MYH9: variants seen among roughly 807,000 people sequenced by gnomAD.
MYH9 encodes the protein myosin heavy chain 9.
In MYH9, 29 loss-of-function variants were observed where a neutral mutation model predicts 241.9. The ratio of observed to expected loss-of-function variants is 0.12; its 90% CI spans 0.09 to 0.16. The LOEUF is 0.16. Among genes scored for constraint, MYH9 ranks in the 10% least tolerant of loss-of-function variants. The pLI, the probability that MYH9 is intolerant of heterozygous loss-of-function variation, is 1.00. For synonymous variants in MYH9, 1,047 were observed against 1,062.6 expected (o/e 0.99, Z 0.29); for missense variants, 1,803 against 2,595.5 (o/e 0.69, Z 6.63).
intron 1 of MYH9, among the ~76,000 whole-genome samples, chr22:36,353,119 GTGTGTGTGTGTGTA>G (rs1460234700): frequency 1.6e-4 from 16 of 102,240 alleles, no homozygotes; most frequent in Non-Finnish European, 2.3e-4. Context: ...GTGTGTGTGT[GTGTGTGTGTGTGTA>G]TAAGTGTGTT....
At chr22:36,318,113 G>T in intron 11 of MYH9, 94 bp downstream of exon 11, 1 of 1,083,960 alleles carries the variant, frequency 9.2e-7, no homozygotes, top group Non-Finnish European at 1.4e-6. Context: ...GCCTGACACG[G>T]ACACCCCAGG....
Position 36,316,529 on chromosome 22 carries a change from G to A in MYH9, c.1368C>T (p.Phe456=), listed in dbSNP as rs767770886. The part of the protein sequence containing the change: ...SFIGILDIAG[F]EIFDLNSFEQ... ...GGGCAAGGCTCACATCAAAGATCTC[G>A]AAGCCGGCAATGTCCAGGATCCCGA... The change falls in exon 12 of 41, where the codon TTC becomes TTT. Residue 456 remains phenylalanine (F), a synonymous_variant. Transcript: ENST00000216181. The A allele has an allele frequency of 1.8e-5, 29 of 1,613,984 alleles. 1 individual carries two copies. The Middle Eastern group carries it at 4.9e-4, about 27-fold the overall frequency.
intron 27 of MYH9, among the ~76,000 whole-genome samples, chr22:36,294,730 C>T (rs866344379): frequency 3.3e-5 from 5 of 152,344 alleles, no homozygotes; most frequent in Middle Eastern, 3.4e-3. Context: ...CTCAAATAAT[C>T]ACGAGACAGA....
At chr22:36,302,712 G>GTT (rs761036896) in intron 19 of MYH9, 36 bp from the exon 20 acceptor site, 2 of 1,576,342 alleles carry the variant, frequency 1.3e-6, no homozygotes, top group African/African-American at 2.7e-5. Context: ...GCGGAGCAGT[G>GTT]GACAGCAGAC....
chr22:36,321,610 T>A, intron 7 of MYH9, 148 bp downstream of exon 7: 1 of 814,466 alleles, frequency 1.2e-6, no homozygotes, highest in Non-Finnish European at 2.2e-6. Context: ...CACTAGCCGA[T>A]CCTGACAGTC....
At chr22:36,346,048 G>A (rs2017672362) in intron 2 of MYH9, among the ~76,000 whole-genome samples, 1 of 151,886 alleles carries the variant, frequency 6.6e-6, no homozygotes. Context: ...TCAGGAGGCT[G>A]AGGCAGGAGA....
intron 1 of MYH9, among the ~76,000 whole-genome samples, chr22:36,377,062 C>CAAA (rs11448075): frequency 4.1e-4 from 59 of 144,860 alleles, no homozygotes; most frequent in Non-Finnish European, 6.6e-4. Flanking sequence ...GACCCTACCT[C>CAAA]AAAAAAAAAA....
Position 36,329,581 on chromosome 22 carries a change from C to T in MYH9, c.491-2093G>A, listed in dbSNP as rs992039042. 2.0e-5 allele frequency among the ~76,000 whole-genome samples: 3 copies of T among 152,228 alleles called. No individual in the cohort carries two copies. Among genetic ancestry groups the T allele is most frequent in the Non-Finnish European group, 2.9e-5 (2 of 68,044 alleles). On this transcript the variant is annotated intron_variant, in intron 3 of 40. Coordinates refer to ENST00000216181, the MANE Select transcript of MYH9 (RefSeq NM_002473.6). The surrounding 1 kb of genome is among the most constrained non-coding windows in gnomAD (Gnocchi z 4.1). ...AATGTACCTGCGAGTGCTGGCAAGT[C>T]GTGAGCAGCCAACGGCCCAATGCTA...
At chr22:36,338,884 A>C (rs1349099846) in intron 3 of MYH9, among the ~76,000 whole-genome samples, 1 of 152,140 alleles carries the variant, frequency 6.6e-6, no homozygotes, top group African/African-American at 2.4e-5. Flanking sequence ...AAATCTGATC[A>C]AACCACTTGA....
chr22:36,381,481 A>C (rs908029760), intron 1 of MYH9, among the ~76,000 whole-genome samples: 1 of 149,254 alleles, frequency 6.7e-6, no homozygotes, highest in African/African-American at 2.5e-5. Context: ...CGATCATGCC[A>C]CTCCAGCCTG....
intron 1 of MYH9, among the ~76,000 whole-genome samples, chr22:36,373,506 A>C (rs753530890): frequency 6.6e-6 from 1 of 152,118 alleles, no homozygotes; most frequent in Non-Finnish European, 1.5e-5. Flanking sequence ...CCTTCTCACC[A>C]CTACTGACAA....
At chr22:36,378,088 A>G (rs1398917731) in intron 1 of MYH9, among the ~76,000 whole-genome samples, 1 of 151,808 alleles carries the variant, frequency 6.6e-6, no homozygotes, top group Non-Finnish European at 1.5e-5. Context: ...AAGCCTGGGC[A>G]ACATGGCAAA....
At chr22:36,325,734 G>A (rs1030624755) in intron 5 of MYH9, among the ~76,000 whole-genome samples, 9 of 152,336 alleles carry the variant, frequency 5.9e-5, no homozygotes, top group East Asian at 5.8e-4. Flanking sequence ...GCTATGGTGC[G>A]CTGTGGGGAA....
At position 36,294,144 on chromosome 22, in the gene MYH9, T is replaced by C. The variant is rs138270050; in HGVS notation, c.3785A>G (p.Asn1262Ser). Reference sequence around the variant, plus strand: ...CTCTGTGCGCACGCGCTCTCCCTCGTTGAACTTGACCTGCAGCTCCTGCAG... The same window carrying C: ...CTCTGTGCGCACGCGCTCTCCCTCGCTGAACTTGACCTGCAGCTCCTGCAG... Reference protein sequence around the residue: ...AQLQELQVKFNEGERVRTELA... With the variant: ...AQLQELQVKFSEGERVRTELA... Residue 1262 changes from asparagine (N) to serine (S), a missense_variant, in exon 28 of 41, where the codon AAC becomes AGC. Physicochemically the swap from Asn to Ser is conservative, Grantham distance 46. This residue lies in a region of MYH9 where 876 missense variants were observed against 1,077.8 expected (regional missense o/e 0.81). Transcript: ENST00000216181. 12 of 1,612,516 alleles carry C rather than the reference T, an allele frequency of 7.4e-6. No individual in the cohort carries two copies. The African/African-American group carries it at 8.0e-5, about 11-fold the overall frequency.
At chr22:36,387,681 C>T (rs965710355) in intron 1 of MYH9, 126 bp downstream of exon 1, 4 of 151,408 alleles carry the variant, frequency 2.6e-5, no homozygotes, top group Admixed American at 1.3e-4. Context: ...GGCGTTCGCC[C>T]CCGCCCGCGC....
intron 1 of MYH9, among the ~76,000 whole-genome samples, chr22:36,385,327 G>A (rs1475855014): frequency 1.3e-5 from 2 of 152,042 alleles, no homozygotes; most frequent in Non-Finnish European, 1.5e-5. Context: ...CTTTATTGAA[G>A]AATTAGCTAG....
At chr22:36,357,773 T>C (rs1410813377) in intron 1 of MYH9, among the ~76,000 whole-genome samples, 1 of 152,176 alleles carries the variant, frequency 6.6e-6, no homozygotes, top group Non-Finnish European at 1.5e-5. Flanking sequence ...ATGGATGGCA[T>C]TGTCACCAAG....
chr22:36,303,915 T>G (rs867473614), intron 19 of MYH9, 80 bp downstream of exon 19: 1 of 1,534,876 alleles, frequency 6.5e-7, no homozygotes. Flanking sequence ...TGCAGCGGGG[T>G]GGCCTGCTAA....
chr22:36,285,524 T>C lies in MYH9; in HGVS notation c.5274+134A>G. On this transcript the variant is annotated intron_variant, in intron 37 of 40. Coordinates refer to ENST00000216181, the MANE Select transcript of MYH9 (RefSeq NM_002473.6). This position sits in a 1 kb window ranked among gnomAD's most constrained non-coding sequence, Gnocchi z 7.0. ...CAGAGGGGGACCTTTCAGGTCCAGG[T>C]GCCTGGACATTTTCCCCTAAGCGCC... The C allele has an allele frequency of 7.0e-7, 1 of 1,430,118 alleles. No individual in the cohort carries two copies. Among genetic ancestry groups the C allele is most frequent in the Non-Finnish European group, 9.6e-7 (1 of 1,043,476 alleles). The allele number at this position is 1,430,118 out of a possible 1,614,324, so 88.6% of individuals were successfully genotyped here.
Sources: allele counts gnomAD v4.1 joint callset (sites outside exome capture counted in the v4.1 genomes callset), GRCh38; gene constraint gnomAD v4.1.1; regional missense constraint gnomAD v4.1.1; non-coding constraint Gnocchi (gnomAD v3.1); transcripts MANE v1.5; gene names NCBI Gene and HGNC (gene_info 2026-07-23, HGNC 2026-07-21).